AMER1: variants seen among roughly 807,000 people sequenced by gnomAD.
The protein encoded by AMER1 is APC membrane recruitment protein 1.
In AMER1, 16 loss-of-function variants were observed where a neutral mutation model predicts 53.0. That is an observed-to-expected ratio of 0.30 (90% CI 0.20 to 0.46). The LOEUF (loss-of-function observed/expected upper bound fraction) is 0.46. Among genes scored for constraint, AMER1 ranks in the 20% least tolerant of loss-of-function variants. AMER1 has a pLI of 1.00. For synonymous variants in AMER1, 354 were observed against 331.9 expected (o/e 1.07, Z -0.73); for missense variants, 947 against 884.9 (o/e 1.07, Z -0.89).
intron 1 of AMER1, among the ~76,000 whole-genome samples, chrX:64,195,960 A>C (rs1449643455): frequency 8.9e-6 from 1 of 112,530 alleles, no homozygotes; most frequent in Non-Finnish European, 1.9e-5. Context: ...TTGTGAATCA[A>C]AGGCTGACTT....
At chrX:64,197,444 C>A (rs775437630) in intron 1 of AMER1, among the ~76,000 whole-genome samples, 4 of 112,948 alleles carry the variant, frequency 3.5e-5, no homozygotes, top group African/African-American at 1.3e-4. Flanking sequence ...CACATACCTG[C>A]CCTAGAGACC....
Position 64,188,146 on chromosome X carries a change from C to T in AMER1, c.*1733G>A, listed in dbSNP as rs1176000323. 3.0e-5 allele frequency: 24 copies of T among 799,503 alleles called. No homozygotes were observed. Among genetic ancestry groups the T allele is most frequent in the Middle Eastern group, 6.3e-4 (1 of 1,582 alleles). The allele number at this position is 799,503 out of a possible 1,213,427, so 65.9% of individuals were successfully genotyped here. On this transcript the variant is annotated 3_prime_UTR_variant, in exon 2 of 2. Coordinates refer to ENST00000374869, the MANE Select transcript of AMER1 (RefSeq NM_152424.4). ...ACTTAGGGGGCAAACAGCATCTGTT[C>T]CCAAGCTAAATTGCCATATCTCAGG...
At position 64,190,646 on chromosome X, in the gene AMER1, G is replaced by A. The variant is rs750449400; in HGVS notation, c.2641C>T (p.Arg881Ter). The A allele has an allele frequency of 4.1e-6, 5 of 1,209,691 alleles. No individual in the cohort carries two copies. Among genetic ancestry groups the A allele is most frequent in the East Asian group, 5.9e-5 (2 of 33,743 alleles). The change falls in exon 2 of 2, where the codon CGA becomes TGA. Residue 881 changes from arginine to a stop codon, truncating the protein, a stop_gained. Coordinates refer to ENST00000374869, the MANE Select transcript of AMER1 (RefSeq NM_152424.4). LOFTEE classifies it high-confidence loss of function. ...AGGGCCATAGCAGCAGGTGGAGGTC[G>A]AGGGTGCAGGCCAGGCAGTCCCAAG... ...RYLGLPGLHPRPPPAAMALNR... is the reference protein window; with the variant it reads ...RYLGLPGLHP
chrX:64,187,323 T>A lies in AMER1; in HGVS notation c.*2556A>T. 1 of 791,494 alleles carries A rather than the reference T, an allele frequency of 1.3e-6. No homozygotes were observed. The highest frequency in any genetic ancestry group is 6.6e-5 in the South Asian group (1 of 15,165). 65.2% of individuals were successfully genotyped at this position (791,494 alleles called of 1,213,427 possible). Reference sequence around the variant, plus strand: ...CCCACTTCAGGTGGTAAGGATCCTATTCCTGGGCTGGCTAGGGCAGTGAAG... The same window carrying A: ...CCCACTTCAGGTGGTAAGGATCCTAATCCTGGGCTGGCTAGGGCAGTGAAG... On this transcript the variant is annotated 3_prime_UTR_variant, in exon 2 of 2. Transcript: ENST00000374869.
In AMER1 at chrX:64,190,462, C is replaced by T. The variant is rs368031008; in HGVS notation, c.2825G>A (p.Arg942Gln). The part of the protein sequence containing the change: ...DEEEEEGEWS[R>Q]DSPLSLYTEP... ...AGTATAGAGGGAAAGGGGACTGTCT[C>T]GGCTCCATTCTCCTTCTTCCTCCTC... The change falls in exon 2 of 2, where the codon CGA becomes CAA. Residue 942 changes from arginine (R) to glutamine (Q), a missense_variant. Physicochemically the swap from Arg to Gln is conservative, Grantham distance 43. Transcript: ENST00000374869. The T allele has an allele frequency of 2.6e-5, 31 of 1,210,333 alleles. No individual in the cohort carries two copies. The highest frequency in any genetic ancestry group is 3.2e-5 in the Non-Finnish European group (29 of 895,255).
At chrX:64,194,169 T>C (rs889557046) in intron 1 of AMER1, among the ~76,000 whole-genome samples, 4 of 111,801 alleles carry the variant, frequency 3.6e-5, no homozygotes, top group Admixed American at 9.4e-5. Context: ...AGACCCTCTA[T>C]TGGCTGTCCT....
Position 64,187,040 on chromosome X carries a change from T to C in AMER1, c.*2839A>G, listed in dbSNP as rs925510462. On this transcript the variant is annotated 3_prime_UTR_variant, in exon 2 of 2. Transcript: ENST00000374869. ...AGACATGTTGTTCATCTAGTAGTAC[T>C]CTTGGAGGTGTGGACATGATATCAA... The C allele has an allele frequency of 3.3e-5, 26 of 778,437 alleles. No homozygotes were observed. In the African/African-American group the frequency reaches 5.0e-4, roughly 15 times the overall value. The allele number at this position is 778,437 out of a possible 1,213,427, so 64.2% of individuals were successfully genotyped here.
At chrX:64,199,935 C>T (rs1930451582) in intron 1 of AMER1, among the ~76,000 whole-genome samples, 1 of 112,719 alleles carries the variant, frequency 8.9e-6, no homozygotes, top group African/African-American at 3.2e-5. Flanking sequence ...GCCCCAAATA[C>T]ACAGGGGTTT....
intron 1 of AMER1, among the ~76,000 whole-genome samples, chrX:64,197,666 T>G (rs1930402224): frequency 8.9e-6 from 1 of 112,398 alleles, no homozygotes. Context: ...CAAGCCCACT[T>G]CAGGCCCACC....
rs775793027 is a variant in AMER1, at chrX:64,188,971, G to GA, written c.*907dup. 1.3e-3 allele frequency: 1,032 copies of GA among 805,026 alleles called. No individual in the cohort carries two copies. The highest frequency in any genetic ancestry group is 1.4e-3 in the Non-Finnish European group (966 of 671,447). 66.3% of individuals were successfully genotyped at this position (805,026 alleles called of 1,213,427 possible). ...CAGGTAGTCACAAGCTTAAAAGAAG[G>GA]AAAAAAAATCCTATCATTCCGGAGC... On this transcript the variant is annotated 3_prime_UTR_variant, in exon 2 of 2. Transcript: ENST00000374869.
Position 64,192,931 on chromosome X carries a change from G to T in AMER1, c.356C>A (p.Pro119His), listed in dbSNP as rs759519548. 1 of 1,211,739 alleles carries T rather than the reference G, an allele frequency of 8.3e-7. No homozygotes were observed. Among genetic ancestry groups the T allele is most frequent in the South Asian group, 1.8e-5 (1 of 56,979 alleles). ...AAATTGGCAGGGTAACTCAGGCAAA[G>T]GCAGGGAGAAGCCAGTTCCTTCACT... ...VVSEGTGFSL[P>H]LPELPCQFPS... Residue 119 changes from proline (P) to histidine (H), a missense_variant, in exon 2 of 2, where the codon CCT becomes CAT. By Grantham distance (77) the Pro-to-His change is moderately conservative. Coordinates refer to ENST00000374869, the MANE Select transcript of AMER1 (RefSeq NM_152424.4).
Position 64,192,670 on chromosome X carries a change from T to C in AMER1, c.617A>G (p.Glu206Gly), listed in dbSNP as rs2147090164. ...GPERVRARPH[E>G]HVSSAPQVPC... is the part of the protein sequence containing the mutation. ...CACCTGAGGGGCTGAGCTCACGTGC[T>C]CATGAGGCCTGGCTCTGACCCTCTC... The change falls in exon 2 of 2, where the codon GAG becomes GGG. Residue 206 changes from glutamate (E) to glycine (G), a missense_variant. Coordinates refer to ENST00000374869, the MANE Select transcript of AMER1 (RefSeq NM_152424.4). 8.6e-7 allele frequency: 1 copy of C among 1,167,069 alleles called. No individual in the cohort carries two copies. Among genetic ancestry groups the C allele is most frequent in the Non-Finnish European group, 1.1e-6 (1 of 875,871 alleles).
chrX:64,202,242 C>A (rs902103632), intron 1 of AMER1, among the ~76,000 whole-genome samples: 1 of 111,974 alleles, frequency 8.9e-6, no homozygotes, highest in East Asian at 2.8e-4. Flanking sequence ...CCCAGCAAAG[C>A]TATAGGCCAA....
At chrX:64,204,674 T>C (rs940583932) in intron 1 of AMER1, among the ~76,000 whole-genome samples, 3 of 113,167 alleles carry the variant, frequency 2.7e-5, no homozygotes, top group African/African-American at 9.6e-5. Flanking sequence ...ACCGTGCCTA[T>C]TGCTATTTTT....
intron 1 of AMER1, among the ~76,000 whole-genome samples, chrX:64,203,625 G>T (rs1010887684): frequency 9.0e-6 from 1 of 111,700 alleles, no homozygotes; most frequent in African/African-American, 3.3e-5. Context: ...TGAGAAGAAA[G>T]AAGTCACCAT....
Position 64,193,093 on chromosome X carries a change from C to A in AMER1, c.194G>T (p.Gly65Val), listed in dbSNP as rs767748008. 30 of 1,210,475 alleles carry A rather than the reference C, an allele frequency of 2.5e-5. No individual in the cohort carries two copies. In the East Asian group the frequency reaches 7.4e-4, roughly 30 times the overall value. ...AAAGAAACTAGGCAGAGTACAGATA[C>A]CCTTCTTGCCACCAAAGAGTTTCAT... ...TAMKLFGGKK[G>V]ICTLPSFFGG... Residue 65 changes from glycine (G) to valine (V), a missense_variant, in exon 2 of 2, where the codon GGT becomes GTT. Gly to Val is a moderately radical substitution (Grantham distance 109, BLOSUM62 -3). Transcript: ENST00000374869.
Position 64,200,469 on chromosome X carries a change from T to C in AMER1, c.-99+5101A>G, listed in dbSNP as rs145085097. Among the ~76,000 whole-genome samples the C allele has an allele frequency of 2.9e-3, 325 of 112,209 alleles. 2 individuals are homozygous for C. Among genetic ancestry groups the C allele is most frequent in the Middle Eastern group, 0.014 (3 of 217 alleles). On this transcript the variant is annotated intron_variant, in intron 1 of 1. Coordinates refer to ENST00000374869, the MANE Select transcript of AMER1 (RefSeq NM_152424.4). ...AGGAGAGTGTGATTCGAGGAAGAAC[T>C]CTGGAATTGAATTGCGGACCAGGAG...
intron 1 of AMER1, among the ~76,000 whole-genome samples, chrX:64,200,738 G>A (rs1196473129): frequency 1.8e-5 from 2 of 111,551 alleles, no homozygotes; most frequent in Admixed American, 9.5e-5. Context: ...TAGCTGGTTC[G>A]ACCTAGTTCA....
In AMER1 at chrX:64,189,470, G is replaced by A. The variant is rs1226445687; in HGVS notation, c.*409C>T. 16 of 713,793 alleles carry A rather than the reference G, an allele frequency of 2.2e-5. No individual in the cohort carries two copies. Among genetic ancestry groups the A allele is most frequent in the East Asian group, 1.1e-4 (1 of 9,469 alleles). 58.8% of individuals were successfully genotyped at this position (713,793 alleles called of 1,213,427 possible). A position where few individuals can be genotyped will look rare whatever the true frequency, so the allele number is the denominator to read the frequency against. ...TATGTGTGTGCATGTGTGTTTGTGT[G>A]TGTGTGTGTATGTATGTGTGTGTGT... On this transcript the variant is annotated 3_prime_UTR_variant, in exon 2 of 2. Coordinates refer to ENST00000374869, the MANE Select transcript of AMER1 (RefSeq NM_152424.4).
Sources: allele counts gnomAD v4.1 joint callset (sites outside exome capture counted in the v4.1 genomes callset), GRCh38; gene constraint gnomAD v4.1.1; transcripts MANE v1.5; gene names NCBI Gene and HGNC (gene_info 2026-07-23, HGNC 2026-07-21).